Variants in ARMH4 observed in about 807,000 individuals in gnomAD.
The protein encoded by ARMH4 is armadillo-like helical domain-containing protein 4.
A neutral mutation model predicts 61.9 loss-of-function variants in ARMH4; 49 were observed. The ratio of observed to expected loss-of-function variants is 0.79; its 90% CI spans 0.63 to 1.00. The LOEUF (loss-of-function observed/expected upper bound fraction) is 1.00. Ranked by LOEUF, ARMH4 falls within the 50% of genes least tolerant of loss-of-function variation. The pLI, the probability that ARMH4 is intolerant of heterozygous loss-of-function variation, is 0.00. For missense variants in ARMH4, 934 were observed against 930.0 expected (o/e 1.00, Z -0.06); for synonymous variants, 368 against 341.5 (o/e 1.08, Z -0.85).
In ARMH4 at chr14:58,023,140, A is replaced by C. The variant is rs965782534; in HGVS notation, c.2090-10990T>G. On this transcript the variant is annotated intron_variant, in intron 5 of 7. Coordinates refer to ENST00000267485, the MANE Select transcript of ARMH4 (RefSeq NM_001001872.4). ...CAGGGGTAGCTGTGTCGATTTCTTA[A>C]AATAAAACAACAATGAAGTTTGCTG... Among the ~76,000 whole-genome samples, 3 of 152,314 alleles carry C rather than the reference A, an allele frequency of 2.0e-5. No individual in the cohort carries two copies. The South Asian group carries it at 6.2e-4, about 32-fold the overall frequency.
intron 5 of ARMH4, among the ~76,000 whole-genome samples, chr14:58,085,372 A>C (rs998139610): frequency 7.8e-6 from 1 of 127,840 alleles, no homozygotes; most frequent in Admixed American, 8.1e-5. Flanking sequence ...TTTAATTCCC[A>C]GAAGAGCCTA....
At chr14:58,049,145 A>G (rs529665332) in intron 5 of ARMH4, among the ~76,000 whole-genome samples, 4 of 151,680 alleles carry the variant, frequency 2.6e-5, no homozygotes, top group Admixed American at 1.3e-4. Context: ...AGGCTGAGGC[A>G]GGAGAACGGT....
At chr14:58,070,747 C>T (rs141090296) in intron 5 of ARMH4, among the ~76,000 whole-genome samples, 4 of 152,228 alleles carry the variant, frequency 2.6e-5, no homozygotes, top group South Asian at 4.1e-4. Flanking sequence ...TTAAAATGTA[C>T]GATTAAATTA....
At chr14:58,124,858 T>C (rs1178246177) in intron 4 of ARMH4, among the ~76,000 whole-genome samples, 4 of 152,110 alleles carry the variant, frequency 2.6e-5, no homozygotes, top group Non-Finnish European at 5.9e-5. Context: ...GAACTAGTGC[T>C]CAGTTGGCAG....
intron 5 of ARMH4, among the ~76,000 whole-genome samples, chr14:58,015,978 GACAA>G (rs1366825890): frequency 2.0e-5 from 3 of 151,594 alleles, no homozygotes; most frequent in Non-Finnish European, 2.9e-5. Flanking sequence ...TTAAAAAATA[GACAA>G]ACATCACAGT....
At chr14:58,048,616 A>C (rs1884016582) in intron 5 of ARMH4, among the ~76,000 whole-genome samples, 1 of 152,182 alleles carries the variant, frequency 6.6e-6, no homozygotes, top group Admixed American at 6.5e-5. Context: ...TAGAAGAGCA[A>C]TTTTCTTTGA....
chr14:58,042,281 C>G (rs1168817612), intron 5 of ARMH4, among the ~76,000 whole-genome samples: 1 of 152,196 alleles, frequency 6.6e-6, no homozygotes, highest in East Asian at 1.9e-4. Flanking sequence ...AACTAGAACT[C>G]AGGATTAAGA....
chr14:58,133,089 C>T lies in ARMH4; in HGVS notation c.1621+1G>A. The T allele has an allele frequency of 1.2e-6, 2 of 1,614,144 alleles. No homozygotes were observed. The highest frequency in any genetic ancestry group is 2.7e-5 in the African/African-American group (2 of 75,042). On this transcript the variant is annotated splice_donor_variant, in intron 3 of 7. Coordinates refer to ENST00000267485, the MANE Select transcript of ARMH4 (RefSeq NM_001001872.4). LOFTEE classifies it high-confidence loss of function. ...AGAGTCCAATATCCTCCCTTACAGA[C>T]CTTCCACAGTGGGAGTAACTTCAAA...
At chr14:58,008,765 C>T (rs1431717189) in intron 6 of ARMH4, among the ~76,000 whole-genome samples, 1 of 152,206 alleles carries the variant, frequency 6.6e-6, no homozygotes, top group African/African-American at 2.4e-5. Context: ...ATCCAACAAG[C>T]TCCAGGTGAT....
chr14:58,085,007 A>T (rs960464370), intron 5 of ARMH4, among the ~76,000 whole-genome samples: 1 of 152,204 alleles, frequency 6.6e-6, no homozygotes, highest in African/African-American at 2.4e-5. Context: ...TCTCAGTTGG[A>T]GACAGGGAAA....
intron 4 of ARMH4, chr14:58,131,253 T>A (rs1455631434): frequency 1.5e-5 from 6 of 404,842 alleles, no homozygotes; most frequent in Non-Finnish European, 2.7e-5. Context: ...GGAATTTGAA[T>A]TTTTATAACT....
At chr14:58,146,643 T>G (rs1887738222) in intron 1 of ARMH4, among the ~76,000 whole-genome samples, 1 of 152,254 alleles carries the variant, frequency 6.6e-6, no homozygotes, top group African/African-American at 2.4e-5. Context: ...CAGAATCTGT[T>G]TCTTTGTCAA....
chr14:58,059,818 T>C (rs1884470415), intron 5 of ARMH4, among the ~76,000 whole-genome samples: 1 of 152,230 alleles, frequency 6.6e-6, no homozygotes, highest in Non-Finnish European at 1.5e-5. Context: ...CATCCTTCGA[T>C]GTGTGCAGCA....
intron 4 of ARMH4, among the ~76,000 whole-genome samples, chr14:58,122,706 G>A (rs1250871759): frequency 2.0e-5 from 3 of 152,260 alleles, no homozygotes; most frequent in East Asian, 1.9e-4. Context: ...TGGGCAAATC[G>A]AATGCCTAAT....
At chr14:58,134,770 T>C (rs1274993566) in intron 2 of ARMH4, among the ~76,000 whole-genome samples, 2 of 151,612 alleles carry the variant, frequency 1.3e-5, no homozygotes, top group Non-Finnish European at 2.9e-5. Context: ...GCCTGGCCAA[T>C]ATTGTGAAAC....
chr14:58,025,813 C>T (rs758794359), intron 5 of ARMH4, among the ~76,000 whole-genome samples: 2 of 152,078 alleles, frequency 1.3e-5, no homozygotes, highest in Non-Finnish European at 2.9e-5. Context: ...TTGCTCTTCA[C>T]GTAATTACAG....
chr14:58,139,259 T>G lies in ARMH4; in HGVS notation c.100A>C (p.Arg34=), dbSNP rs1887446676. ...QCLAFPKIER[R]REIAHVHAEK... is the part of the protein sequence containing the mutation. ...GCATGAACATGTGCTATCTCCCTCCTCCTTTCTATTTTGGGGAAGGCCAGA... is the reference window on the plus strand; with the variant it reads ...GCATGAACATGTGCTATCTCCCTCCGCCTTTCTATTTTGGGGAAGGCCAGA... The change falls in exon 2 of 8, where the codon AGG becomes CGG. Residue 34 remains arginine, a synonymous_variant. Transcript: ENST00000267485. 1 of 1,614,034 alleles carries G rather than the reference T, an allele frequency of 6.2e-7. No individual in the cohort carries two copies. The highest frequency in any genetic ancestry group is 1.3e-5 in the African/African-American group (1 of 74,904).
chr14:58,013,570 G>C (rs964499983), intron 5 of ARMH4, among the ~76,000 whole-genome samples: 1 of 152,060 alleles, frequency 6.6e-6, no homozygotes, highest in South Asian at 2.1e-4. Context: ...AAATACTGAT[G>C]ATGGCTAGCA....
At chr14:58,123,775 G>T (rs978503931) in intron 4 of ARMH4, among the ~76,000 whole-genome samples, 4 of 152,112 alleles carry the variant, frequency 2.6e-5, no homozygotes, top group African/African-American at 9.7e-5. Flanking sequence ...CATCTATTTG[G>T]CCAGGCATTA....
Sources: gnomAD v4.1 joint callset for allele counts (sites outside exome capture counted in the v4.1 genomes callset) on GRCh38, gnomAD v4.1.1 for gene constraint, MANE v1.5 for transcripts, NCBI Gene and HGNC (gene_info 2026-07-23, HGNC 2026-07-21) for gene names.